RFPL1: variants seen among roughly 807,000 people sequenced by gnomAD.
RFPL1 encodes the protein ret finger protein-like 1.
A neutral mutation model predicts 9.6 loss-of-function variants in RFPL1; 6 were observed. The observed-to-expected ratio is 0.62, with a 90% confidence interval of 0.34 to 1.23. RFPL1 has a LOEUF of 1.23. RFPL1 is among the 50% of genes most tolerant of loss of function. RFPL1 has a pLI of 0.03. For synonymous variants in RFPL1, 145 were observed against 149.4 expected (o/e 0.97, Z 0.22); for missense variants, 352 against 398.4 (o/e 0.88, Z 0.99).
At chr22:29,392,378 CTTTTTTTTTTTTTTTT>C in the RFPL1 span, among the ~76,000 whole-genome samples, 9 of 46,288 alleles carry the variant, frequency 1.9e-4, no homozygotes, top group South Asian at 1.2e-3. Context: ...CCACACCTGG[CTTTTTTTTTTTTTTTT>C]TTTTTTTTTT....
the RFPL1 span, among the ~76,000 whole-genome samples, chr22:29,410,365 T>C: frequency 8.4e-5 from 6 of 71,546 alleles, no homozygotes; most frequent in Non-Finnish European, 1.1e-4. Context: ...TATGTAGATA[T>C]ATATATCTAT....
the RFPL1 span, among the ~76,000 whole-genome samples, chr22:29,429,774 TAA>T: frequency 1.3e-5 from 2 of 152,208 alleles, no homozygotes; most frequent in East Asian, 3.8e-4. Flanking sequence ...ACAAACTTAG[TAA>T]AGTTTTAGGA....
chr22:29,407,200 T>TCCTTCC, the RFPL1 span, among the ~76,000 whole-genome samples: 1 of 151,820 alleles, frequency 6.6e-6, no homozygotes, highest in Non-Finnish European at 1.5e-5. Flanking sequence ...GTTCAGGGGA[T>TCCTTCC]CCTTCCACCT....
chr22:29,435,819 G>T (rs1391243022), upstream of RFPL1, among the ~76,000 whole-genome samples: 1 of 152,172 alleles, frequency 6.6e-6, no homozygotes, highest in Non-Finnish European at 1.5e-5. Flanking sequence ...GTTATTTTAT[G>T]AATTAAGTAC....
the RFPL1 span, among the ~76,000 whole-genome samples, chr22:29,430,113 GA>G: frequency 7.4e-6 from 1 of 135,300 alleles, no homozygotes; most frequent in African/African-American, 2.5e-5. Flanking sequence ...TGAAGAAAGT[GA>G]AAAAAAATCA....
At chr22:29,419,950 A>AC in the RFPL1 span, among the ~76,000 whole-genome samples, 2 of 152,256 alleles carry the variant, frequency 1.3e-5, no homozygotes, top group African/African-American at 4.8e-5. Flanking sequence ...GGAGCTAAAA[A>AC]CCCAGTGGAA....
the RFPL1 span, among the ~76,000 whole-genome samples, chr22:29,405,229 C>G: frequency 6.6e-6 from 1 of 152,046 alleles, no homozygotes. Flanking sequence ...TTAGGATTGT[C>G]GGAGCAGGGA....
the RFPL1 span, among the ~76,000 whole-genome samples, chr22:29,399,921 T>A: frequency 6.6e-6 from 1 of 152,160 alleles, no homozygotes; most frequent in Non-Finnish European, 1.5e-5. Context: ...TTTGCTCAAA[T>A]TGCTTTTCAA....
At chr22:29,426,746 C>A in the RFPL1 span, among the ~76,000 whole-genome samples, 875 of 145,008 alleles carry the variant, frequency 6.0e-3, 3 homozygotes, top group African/African-American at 0.021. Flanking sequence ...GACTCTGTAT[C>A]AAAAAAAAAA....
chr22:29,411,730 G>C, the RFPL1 span, among the ~76,000 whole-genome samples: 5 of 152,340 alleles, frequency 3.3e-5, no homozygotes, highest in East Asian at 9.6e-4. Flanking sequence ...TCAGCAGGAA[G>C]TCTGTTTCTT....
At chr22:29,390,582 T>TTTTATTTATTTTTTTTTTATTTATTTA in the RFPL1 span, among the ~76,000 whole-genome samples, 2 of 146,838 alleles carry the variant, frequency 1.4e-5, no homozygotes, top group African/African-American at 5.1e-5. Context: ...CTTATTCCAT[T>TTTTATTTATTTTTTTTTTATTTATTTA]TTTATTTATT....
the RFPL1 span, among the ~76,000 whole-genome samples, chr22:29,396,946 G>T: frequency 4.2e-5 from 5 of 118,528 alleles, no homozygotes; most frequent in African/African-American, 1.7e-4. Context: ...TCGCTGTGTC[G>T]CCCAGGCTGG....
chr22:29,410,005 T>C, the RFPL1 span, among the ~76,000 whole-genome samples: 2 of 151,982 alleles, frequency 1.3e-5, no homozygotes, highest in African/African-American at 4.8e-5. Context: ...AAATATTCCA[T>C]GAAAACCCAT....
chr22:29,392,378 CTTTTTTTTTTTTT>C, the RFPL1 span, among the ~76,000 whole-genome samples: 150 of 46,282 alleles, frequency 3.2e-3, 1 homozygote, highest in African/African-American at 8.7e-3. Context: ...CCACACCTGG[CTTTTTTTTTTTTT>C]TTTTTTTTTT....
At chr22:29,421,766 C>A in the RFPL1 span, among the ~76,000 whole-genome samples, 2 of 151,004 alleles carry the variant, frequency 1.3e-5, no homozygotes, top group Non-Finnish European at 2.9e-5. Context: ...TCGATCTGGC[C>A]AGCTCCACCC....
the RFPL1 span, among the ~76,000 whole-genome samples, chr22:29,417,920 G>A: frequency 6.6e-6 from 1 of 150,866 alleles, no homozygotes. Flanking sequence ...GGAATGCGGG[G>A]AAGGCAGACC....
upstream of RFPL1, chr22:29,436,871 G>A (rs1451642315): frequency 6.6e-6 from 1 of 152,144 alleles, no homozygotes; most frequent in Non-Finnish European, 1.5e-5. Flanking sequence ...CCTTTAATAT[G>A]TGCCAAAGGG....
the RFPL1 span, among the ~76,000 whole-genome samples, chr22:29,423,382 C>CTTTTTT: frequency 7.6e-4 from 102 of 134,404 alleles, 2 homozygotes; most frequent in South Asian, 1.3e-3. Flanking sequence ...AATCTATCAA[C>CTTTTTT]TTTTTTTTTT....
chr22:29,418,175 T>G, the RFPL1 span, among the ~76,000 whole-genome samples: 2 of 151,976 alleles, frequency 1.3e-5, no homozygotes, highest in African/African-American at 2.4e-5. Context: ...TGATCCACCC[T>G]CCTCGGCCTC....
Sources: allele counts gnomAD v4.1 joint callset (sites outside exome capture counted in the v4.1 genomes callset), GRCh38; gene constraint gnomAD v4.1.1; transcripts MANE v1.5; gene names NCBI Gene and HGNC (gene_info 2026-07-23, HGNC 2026-07-21).